The following TTC28 variants were observed in gnomAD, a reference collection of about 807,000 sequenced individuals.
The protein encoded by TTC28 is tetratricopeptide repeat protein 28.
A neutral mutation model predicts 198.0 loss-of-function variants in TTC28; 61 were observed. The ratio of observed to expected loss-of-function variants is 0.31; its 90% CI spans 0.25 to 0.38. The LOEUF is 0.38. Among genes scored for constraint, TTC28 ranks in the 10% least tolerant of loss-of-function variants. The probability of loss-of-function intolerance (pLI) is 1.00; values close to 1 mark genes in which losing one functional copy is unlikely to be tolerated. For missense variants in TTC28, 2,678 were observed against 3,164.0 expected, an observed-to-expected ratio of 0.85 and a Z score of 3.69; for synonymous variants, 1,171 against 1,297.8, an observed-to-expected ratio of 0.90 and a Z score of 2.10.
At chr22:28,379,989 T>C (rs1446917161) in intron 2 of TTC28, among the ~76,000 whole-genome samples, 5 of 151,692 alleles carry the variant, frequency 3.3e-5, no homozygotes, top group South Asian at 2.1e-4. Context: ...CTAGAGAAAT[T>C]TGTACGGGCT....
intron 2 of TTC28, among the ~76,000 whole-genome samples, chr22:28,311,504 A>G (rs1433472882): frequency 6.6e-6 from 1 of 152,190 alleles, no homozygotes; most frequent in Non-Finnish European, 1.5e-5. Context: ...CTGATTTTTG[A>G]AAACTTTATA....
intron 2 of TTC28, among the ~76,000 whole-genome samples, chr22:28,392,049 T>C (rs967994386): frequency 6.6e-6 from 1 of 152,190 alleles, no homozygotes; most frequent in Non-Finnish European, 1.5e-5. Context: ...TTTGTTAGTT[T>C]TCCTTCTAAC....
chr22:28,125,481 G>T (rs150631182), intron 6 of TTC28, among the ~76,000 whole-genome samples: 10 of 152,260 alleles, frequency 6.6e-5, no homozygotes, highest in Admixed American at 3.9e-4. Flanking sequence ...AGAAATGGAG[G>T]CCCAAACACA....
At chr22:28,527,122 C>T (rs2049017952) in intron 2 of TTC28, among the ~76,000 whole-genome samples, 1 of 152,188 alleles carries the variant, frequency 6.6e-6, no homozygotes, top group Non-Finnish European at 1.5e-5. Context: ...ACCAGTGGCA[C>T]TCTGCCCCAG....
chr22:28,538,078 G>A (rs2049333380), intron 2 of TTC28, among the ~76,000 whole-genome samples: 1 of 152,104 alleles, frequency 6.6e-6, no homozygotes, highest in Admixed American at 6.5e-5. Context: ...AATATTTATA[G>A]GTATATCTCT....
chr22:28,232,983 T>C (rs1481205027), intron 5 of TTC28, among the ~76,000 whole-genome samples: 1 of 151,770 alleles, frequency 6.6e-6, no homozygotes, highest in Non-Finnish European at 1.5e-5. Context: ...GCACCTGTAA[T>C]CCCAGCTACT....
intron 2 of TTC28, 34 bp from the exon 3 acceptor site, chr22:28,306,677 C>T: frequency 1.3e-6 from 2 of 1,548,660 alleles, no homozygotes; most frequent in Non-Finnish European, 1.7e-6. Flanking sequence ...TATATAATGC[C>T]TGTGCTCCAA....
At chr22:28,471,760 G>A (rs559087626) in intron 2 of TTC28, among the ~76,000 whole-genome samples, 1 of 152,222 alleles carries the variant, frequency 6.6e-6, no homozygotes, top group East Asian at 1.9e-4. Flanking sequence ...AGTGGAGTGT[G>A]ATTTCTGTAT....
At position 27,985,184 on chromosome 22, in the gene TTC28, G is replaced by A. The variant is rs566308059; in HGVS notation, c.5815+65C>T. 48 of 1,192,020 alleles carry A rather than the reference G, an allele frequency of 4.0e-5. 1 individual carries two copies. In the Middle Eastern group the frequency reaches 1.2e-3, roughly 31 times the overall value. 73.8% of individuals were successfully genotyped at this position (1,192,020 alleles called of 1,614,324 possible). A position where few individuals can be genotyped will look rare whatever the true frequency, so the allele number is the denominator to read the frequency against. ...TCTGCTTCCCAAAATGTATGTGCTG[G>A]TGTCGGCCCCCAGGGAGAGCATGGC... On this transcript the variant is annotated intron_variant, in intron 22 of 22. Coordinates refer to ENST00000397906, the MANE Select transcript of TTC28 (RefSeq NM_001145418.2).
At chr22:28,590,061 A>AAAAAC (rs1555898135) in intron 2 of TTC28, among the ~76,000 whole-genome samples, 1 of 142,304 alleles carries the variant, frequency 7.0e-6, no homozygotes, top group Non-Finnish European at 1.6e-5. Flanking sequence ...AAAAAAAAAA[A>AAAAAC]ACACAGAAAA....
intron 2 of TTC28, among the ~76,000 whole-genome samples, chr22:28,419,703 C>T (rs1235327109): frequency 6.6e-6 from 1 of 152,180 alleles, no homozygotes; most frequent in Non-Finnish European, 1.5e-5. Context: ...TATGAGCAAA[C>T]TGATCATGAC....
intron 2 of TTC28, among the ~76,000 whole-genome samples, chr22:28,549,295 C>T (rs917486849): frequency 6.6e-6 from 1 of 152,134 alleles, no homozygotes; most frequent in Admixed American, 6.5e-5. Flanking sequence ...TCCCGAAGTG[C>T]TGGGATTACA....
chr22:28,197,276 T>TG (rs1925456700), intron 5 of TTC28, among the ~76,000 whole-genome samples: 1 of 59,442 alleles, frequency 1.7e-5, no homozygotes, highest in East Asian at 5.8e-4. Flanking sequence ...TGTTGTGGGG[T>TG]GGGGGGAGGG....
intron 12 of TTC28, among the ~76,000 whole-genome samples, chr22:28,055,697 A>G (rs946917838): frequency 6.6e-6 from 1 of 152,198 alleles, no homozygotes; most frequent in Admixed American, 6.5e-5. Flanking sequence ...TGACATAGCT[A>G]GTAAAGTGCA....
chr22:28,086,504 G>T (rs149659189), intron 12 of TTC28, among the ~76,000 whole-genome samples: 1 of 151,992 alleles, frequency 6.6e-6, no homozygotes, highest in Admixed American at 6.6e-5. Context: ...TCTGGGACAC[G>T]TTCAAAGCAG....
intron 2 of TTC28, among the ~76,000 whole-genome samples, chr22:28,385,663 T>C (rs1282641128): frequency 6.6e-6 from 1 of 152,232 alleles, no homozygotes; most frequent in East Asian, 1.9e-4. Flanking sequence ...CAAATGCCTC[T>C]GATCAGGTTA....
intron 12 of TTC28, among the ~76,000 whole-genome samples, chr22:28,065,032 G>C (rs919315480): frequency 1.3e-5 from 2 of 152,142 alleles, no homozygotes; most frequent in African/African-American, 2.4e-5. Context: ...TTATACATAG[G>C]AATGCATGGC....
intron 2 of TTC28, among the ~76,000 whole-genome samples, chr22:28,600,216 G>A (rs541914651): frequency 3.3e-5 from 5 of 151,868 alleles, no homozygotes; most frequent in Admixed American, 2.0e-4. Flanking sequence ...GCAACAGAGC[G>A]AGACCCTATA....
chr22:28,040,537 C>G (rs371982122), intron 12 of TTC28, among the ~76,000 whole-genome samples: 48 of 152,174 alleles, frequency 3.2e-4, no homozygotes, highest in East Asian at 1.4e-3. Context: ...ATTCAACAGC[C>G]CTTCATGCTA....
Sources: gnomAD v4.1 joint callset for allele counts (sites outside exome capture counted in the v4.1 genomes callset) on GRCh38, gnomAD v4.1.1 for gene constraint, MANE v1.5 for transcripts, NCBI Gene and HGNC (gene_info 2026-07-23, HGNC 2026-07-21) for gene names.